Variants in ANXA10 observed in about 807,000 individuals in gnomAD.
The protein encoded by ANXA10 is annexin A10.
Under a neutral mutation model 53.5 loss-of-function variants are expected in ANXA10, and 49 were observed. The ratio of observed to expected loss-of-function variants is 0.92; its 90% CI spans 0.73 to 1.16. ANXA10 has a LOEUF of 1.16. Ranked by LOEUF, ANXA10 falls within the 50% of genes most tolerant of loss-of-function variation. The pLI, the probability that ANXA10 is intolerant of heterozygous loss-of-function variation, is 0.00. For missense variants in ANXA10, 393 were observed against 394.4 expected (o/e 1.00, Z 0.03); for synonymous variants, 131 against 128.9 (o/e 1.02, Z -0.11).
At chr4:168,119,070 T>C (rs1418997933) in intron 1 of ANXA10, among the ~76,000 whole-genome samples, 2 of 152,208 alleles carry the variant, frequency 1.3e-5, no homozygotes, top group African/African-American at 4.8e-5. Flanking sequence ...TTATTTAGTG[T>C]GCCTTGATAT....
chr4:168,155,509 TA>T (rs1194425035), intron 3 of ANXA10, among the ~76,000 whole-genome samples: 1 of 18,224 alleles, frequency 5.5e-5, no homozygotes, highest in Non-Finnish European at 9.4e-5. Context: ...TTATATATTA[TA>T]AAATATATAA....
Position 168,151,603 on chromosome 4 carries a change from C to T in ANXA10, c.196-10925C>T, listed in dbSNP as rs111392444. 9.4e-3 allele frequency among the ~76,000 whole-genome samples: 1,433 copies of T among 152,176 alleles called. 11 individuals are homozygous for T. The highest frequency in any genetic ancestry group is 0.02 in the South Asian group (94 of 4,814). ...GAGGCAGTCCAGCTGGGGAAAGTCA[C>T]GCTGCAAAGGTTGCATTTGAAAAGT... On this transcript the variant is annotated intron_variant, in intron 3 of 11. Transcript: ENST00000359299.
intron 2 of ANXA10, among the ~76,000 whole-genome samples, chr4:168,135,587 A>T (rs540435405): frequency 6.6e-6 from 1 of 152,338 alleles, no homozygotes; most frequent in East Asian, 1.9e-4. Context: ...CATCTAAACT[A>T]GTTGTGCACT....
At chr4:168,155,747 T>G (rs372685783) in intron 3 of ANXA10, among the ~76,000 whole-genome samples, 18,668 of 34,810 alleles carry the variant, frequency 0.54, 5,756 homozygotes, top group African/African-American at 0.56. Context: ...TATCATATAT[T>G]ATATATTATA....
At chr4:168,177,696 C>A in intron 6 of ANXA10, 44 bp from the exon 7 acceptor site, 1 of 1,594,756 alleles carries the variant, frequency 6.3e-7, no homozygotes, top group Non-Finnish European at 8.6e-7. Context: ...ATATGAGTTG[C>A]TGACTAAGAA....
Position 168,156,604 on chromosome 4 carries a change from C to T in ANXA10, c.196-5924C>T, listed in dbSNP as rs182467048. ...CTGCAAGCTCTGCCTCCCAGGTTCA[C>T]GCCATTCTCCTGCCTCAGCCTCCCA... On this transcript the variant is annotated intron_variant, in intron 3 of 11. Transcript: ENST00000359299. Among the ~76,000 whole-genome samples the T allele has an allele frequency of 1.8e-3, 269 of 150,320 alleles. 2 individuals are homozygous for T. The highest frequency in any genetic ancestry group is 3.4e-3 in the Middle Eastern group (1 of 292).
chr4:168,162,286 A>C (rs1298051235), intron 3 of ANXA10, among the ~76,000 whole-genome samples: 2 of 152,170 alleles, frequency 1.3e-5, no homozygotes, highest in African/African-American at 4.8e-5. Flanking sequence ...GAAAAAGAAA[A>C]TCATTCTATG....
intron 2 of ANXA10, among the ~76,000 whole-genome samples, chr4:168,134,199 T>C (rs1242240332): frequency 2.0e-5 from 3 of 152,084 alleles, no homozygotes; most frequent in Non-Finnish European, 4.4e-5. Context: ...AAAATAAACC[T>C]TCTTGTCATT....
intron 1 of ANXA10, among the ~76,000 whole-genome samples, chr4:168,105,109 C>T (rs1323089153): frequency 1.4e-5 from 2 of 147,022 alleles, no homozygotes; most frequent in Admixed American, 1.4e-4. Context: ...GATTTGGGCA[C>T]TTTTTTTTTT....
chr4:168,108,005 A>C (rs1157617703), intron 1 of ANXA10, among the ~76,000 whole-genome samples: 3 of 152,202 alleles, frequency 2.0e-5, no homozygotes, highest in Non-Finnish European at 4.4e-5. Flanking sequence ...TAAAATGTCT[A>C]ATCTTGTGTC....
intron 4 of ANXA10, among the ~76,000 whole-genome samples, chr4:168,163,429 G>C (rs1731819115): frequency 6.6e-6 from 1 of 152,090 alleles, no homozygotes; most frequent in African/African-American, 2.4e-5. Context: ...ATGGATTTTG[G>C]CCATCACATT....
chr4:168,120,878 T>C (rs1730975299), intron 1 of ANXA10, among the ~76,000 whole-genome samples: 1 of 152,082 alleles, frequency 6.6e-6, no homozygotes, highest in Non-Finnish European at 1.5e-5. Context: ...TTTCATTTAA[T>C]CTAAGTAGTA....
chr4:168,106,284 A>AT, intron 1 of ANXA10, among the ~76,000 whole-genome samples: 1 of 152,252 alleles, frequency 6.6e-6, no homozygotes, highest in East Asian at 1.9e-4. Context: ...TTTTAAAAAC[A>AT]TTTATTATGA....
At chr4:168,139,968 A>C (rs1731301113) in intron 3 of ANXA10, among the ~76,000 whole-genome samples, 1 of 152,176 alleles carries the variant, frequency 6.6e-6, no homozygotes, top group Non-Finnish European at 1.5e-5. Flanking sequence ...CCAGTTCAAA[A>C]TATAACAGCT....
chr4:168,119,514 C>T (rs911349088), intron 1 of ANXA10, among the ~76,000 whole-genome samples: 1 of 152,096 alleles, frequency 6.6e-6, no homozygotes, highest in South Asian at 2.1e-4. Flanking sequence ...TACAATGGGA[C>T]CATGTTTATG....
intron 1 of ANXA10, among the ~76,000 whole-genome samples, chr4:168,104,931 C>A (rs1043323051): frequency 6.6e-6 from 1 of 151,326 alleles, no homozygotes; most frequent in Non-Finnish European, 1.5e-5. Context: ...AATTTTATTT[C>A]GTTCTAATAT....
intron 1 of ANXA10, among the ~76,000 whole-genome samples, chr4:168,108,620 G>A (rs1171007350): frequency 6.6e-6 from 1 of 152,100 alleles, no homozygotes; most frequent in Non-Finnish European, 1.5e-5. Flanking sequence ...CTCCTACTTT[G>A]TAGCACTTAT....
chr4:168,116,479 GA>G (rs1206223772), intron 1 of ANXA10, among the ~76,000 whole-genome samples: 2 of 152,030 alleles, frequency 1.3e-5, no homozygotes, highest in Non-Finnish European at 2.9e-5. Context: ...TTTATTTCAA[GA>G]AAAACAGAAG....
intron 3 of ANXA10, among the ~76,000 whole-genome samples, chr4:168,140,556 A>G (rs1216383181): frequency 6.6e-6 from 1 of 152,180 alleles, no homozygotes; most frequent in Non-Finnish European, 1.5e-5. Context: ...TATAAAAACT[A>G]TAAAAGTTGT....
Sources: allele counts gnomAD v4.1 joint callset (sites outside exome capture counted in the v4.1 genomes callset), GRCh38; gene constraint gnomAD v4.1.1; transcripts MANE v1.5; gene names NCBI Gene and HGNC (gene_info 2026-07-23, HGNC 2026-07-21).